Variants in ACTR3C observed in about 807,000 individuals in gnomAD.
The protein encoded by ACTR3C is actin related protein 3C.
In ACTR3C, 18 loss-of-function variants were observed where a neutral mutation model predicts 26.3. The ratio of observed to expected loss-of-function variants is 0.68; its 90% CI spans 0.47 to 1.01. ACTR3C has a LOEUF of 1.01. ACTR3C is among the 50% of genes least tolerant of loss of function. ACTR3C has a pLI of 0.00. For missense variants in ACTR3C, 184 were observed against 250.7 expected, an observed-to-expected ratio of 0.73 and a Z score of 1.80; for synonymous variants, 55 against 94.5, an observed-to-expected ratio of 0.58 and a Z score of 2.42.
At chr7:150,087,523 C>G in the ACTR3C span, among the ~76,000 whole-genome samples, 3 of 152,216 alleles carry the variant, frequency 2.0e-5, no homozygotes, top group Non-Finnish European at 1.5e-5. Context: ...GAGGGGGCTC[C>G]TCACTTGCAA....
intron 6 of ACTR3C, among the ~76,000 whole-genome samples, chr7:150,263,231 A>G (rs1310634669): frequency 2.0e-5 from 3 of 151,924 alleles, no homozygotes; most frequent in Non-Finnish European, 2.9e-5. Flanking sequence ...AAACATATGT[A>G]TAGTCCAGTG....
At chr7:150,255,084 T>C (rs1201923295) in intron 6 of ACTR3C, among the ~76,000 whole-genome samples, 1 of 151,872 alleles carries the variant, frequency 6.6e-6, no homozygotes, top group Non-Finnish European at 1.5e-5. Context: ...CAGGAAAATT[T>C]TGAACTAGAA....
At chr7:150,066,733 C>T in the ACTR3C span, among the ~76,000 whole-genome samples, 40 of 152,322 alleles carry the variant, frequency 2.6e-4, no homozygotes, top group East Asian at 2.9e-3. Context: ...TCTATAAACA[C>T]GCGCTGTGTG....
At chr7:150,152,293 T>C in the ACTR3C span, among the ~76,000 whole-genome samples, 2 of 152,098 alleles carry the variant, frequency 1.3e-5, no homozygotes, top group Non-Finnish European at 2.9e-5. Flanking sequence ...AGATAGCTCT[T>C]ATTATTTTGA....
the ACTR3C span, among the ~76,000 whole-genome samples, chr7:150,178,893 T>C: frequency 1.3e-5 from 2 of 150,682 alleles, no homozygotes; most frequent in Non-Finnish European, 2.9e-5. Flanking sequence ...TTTGCACGTA[T>C]GAGTAACTGT....
chr7:150,076,601 C>T, the ACTR3C span: 1 of 152,096 alleles, frequency 6.6e-6, no homozygotes, highest in Non-Finnish European at 1.5e-5. Context: ...ATAAATTCCT[C>T]TCCTGGCAGA....
the ACTR3C span, among the ~76,000 whole-genome samples, chr7:149,922,277 GC>G: frequency 7.2e-6 from 1 of 138,970 alleles, no homozygotes; most frequent in African/African-American, 2.5e-5. Flanking sequence ...AAGGGGAAAT[GC>G]CTTATCTTAG....
chr7:150,215,678 A>G, the ACTR3C span, among the ~76,000 whole-genome samples: 1 of 151,998 alleles, frequency 6.6e-6, no homozygotes, highest in African/African-American at 2.4e-5. Flanking sequence ...AATAGGAAGC[A>G]GAGACTTTTG....
chr7:150,057,276 C>CTTTTTTT, the ACTR3C span, among the ~76,000 whole-genome samples: 1 of 113,970 alleles, frequency 8.8e-6, no homozygotes, highest in African/African-American at 3.6e-5. Context: ...GGAATAGGTC[C>CTTTTTTT]TTTTTTTTTT....
the ACTR3C span, among the ~76,000 whole-genome samples, chr7:149,927,562 C>T: frequency 6.6e-6 from 1 of 151,992 alleles, no homozygotes; most frequent in East Asian, 1.9e-4. Context: ...AACCCCGTCT[C>T]TATTAAAAAT....
chr7:149,985,896 G>T, the ACTR3C span, among the ~76,000 whole-genome samples: 1 of 152,124 alleles, frequency 6.6e-6, no homozygotes, highest in African/African-American at 2.4e-5. Flanking sequence ...TCTTTGGTTT[G>T]TCCTGCCTCA....
At chr7:149,924,834 G>A in the ACTR3C span, among the ~76,000 whole-genome samples, 1 of 151,900 alleles carries the variant, frequency 6.6e-6, no homozygotes, top group East Asian at 1.9e-4. Context: ...TGCCATGTTG[G>A]CCAAGCTGGT....
chr7:150,033,834 T>TG, the ACTR3C span, among the ~76,000 whole-genome samples: 1 of 116,856 alleles, frequency 8.6e-6, no homozygotes, highest in African/African-American at 3.4e-5. Flanking sequence ...CCCTGCCTCG[T>TG]GGGGGGTGCC....
At chr7:150,297,548 G>A (rs1157897380) in intron 1 of ACTR3C, among the ~76,000 whole-genome samples, 3 of 152,328 alleles carry the variant, frequency 2.0e-5, no homozygotes, top group East Asian at 1.9e-4. Flanking sequence ...CATTTAAGAC[G>A]TAGGAATAAA....
chr7:149,902,948 A>G, the ACTR3C span, among the ~76,000 whole-genome samples: 2 of 27,978 alleles, frequency 7.1e-5, 1 homozygote, highest in African/African-American at 1.0e-4. Context: ...AAAAAAAAAA[A>G]AAAAGAAAGA....
chr7:150,220,049 A>G, the ACTR3C span, among the ~76,000 whole-genome samples: 13 of 146,900 alleles, frequency 8.8e-5, no homozygotes, highest in Admixed American at 2.6e-4. Flanking sequence ...CGGGTCTACA[A>G]AACAGCATAC....
the ACTR3C span, among the ~76,000 whole-genome samples, chr7:150,078,055 G>C: frequency 6.6e-6 from 1 of 152,118 alleles, no homozygotes; most frequent in East Asian, 1.9e-4. Flanking sequence ...AAAATTTCAG[G>C]GGGGAGCATC....
At chr7:149,954,994 TG>T in the ACTR3C span, among the ~76,000 whole-genome samples, 1 of 152,234 alleles carries the variant, frequency 6.6e-6, no homozygotes, top group Non-Finnish European at 1.5e-5. Context: ...ATAAGCAAAT[TG>T]ATCATTAAAT....
At chr7:150,123,087 G>A in the ACTR3C span, among the ~76,000 whole-genome samples, 1 of 151,344 alleles carries the variant, frequency 6.6e-6, no homozygotes, top group African/African-American at 2.4e-5. Flanking sequence ...GTCTGTCGAG[G>A]GTGGGGGACA....
Sources: allele counts gnomAD v4.1 joint callset (sites outside exome capture counted in the v4.1 genomes callset), GRCh38; gene constraint gnomAD v4.1.1; transcripts MANE v1.5; gene names NCBI Gene and HGNC (gene_info 2026-07-23, HGNC 2026-07-21).